ASIC2: variants seen among roughly 807,000 people sequenced by gnomAD.
ASIC2 encodes acid sensing ion channel subunit 2, also known as acid-sensing ion channel 2.
In ASIC2, 25 loss-of-function variants were observed where a neutral mutation model predicts 57.3. That is an observed-to-expected ratio of 0.44 (90% confidence interval 0.32 to 0.61). ASIC2 has a LOEUF of 0.61. ASIC2 is among the 20% of genes least tolerant of loss of function. The pLI is 0.06. For synonymous variants in ASIC2, 319 were observed against 307.5 expected (o/e 1.04, Z -0.39); for missense variants, 641 against 738.1 (o/e 0.87, Z 1.52).
chr17:33,702,452 G>C (rs544521592), intron 1 of ASIC2, among the ~76,000 whole-genome samples: 1 of 152,120 alleles, frequency 6.6e-6, no homozygotes, highest in African/African-American at 2.4e-5. Context: ...CTTGAAATCT[G>C]GGCAACCCAA....
intron 1 of ASIC2, among the ~76,000 whole-genome samples, chr17:33,485,199 A>G (rs867301687): frequency 1.3e-5 from 2 of 152,274 alleles, no homozygotes; most frequent in African/African-American, 4.8e-5. Flanking sequence ...CTAAGAGTTC[A>G]TCATCAGTTC....
intron 1 of ASIC2, among the ~76,000 whole-genome samples, chr17:33,217,239 T>C (rs948263342): frequency 6.6e-6 from 1 of 152,184 alleles, no homozygotes; most frequent in Non-Finnish European, 1.5e-5. Context: ...GGATGTGGGA[T>C]ATGAAGGGTG....
intron 1 of ASIC2, among the ~76,000 whole-genome samples, chr17:33,724,612 G>C (rs938199655): frequency 2.0e-5 from 3 of 152,186 alleles, no homozygotes; most frequent in Admixed American, 1.3e-4. Flanking sequence ...CCTAAGGGAG[G>C]GGCTTTGGCC....
intron 1 of ASIC2, among the ~76,000 whole-genome samples, chr17:33,171,071 T>C (rs114969615): frequency 0.039 from 5,902 of 152,250 alleles, 367 homozygotes; most frequent in African/African-American, 0.13. Flanking sequence ...TTCAAGAAGA[T>C]ATCAAACCCC....
intron 1 of ASIC2, among the ~76,000 whole-genome samples, chr17:33,561,484 A>C (rs1174232929): frequency 1.3e-5 from 2 of 152,224 alleles, no homozygotes; most frequent in African/African-American, 4.8e-5. Flanking sequence ...AAGGGTCTTC[A>C]GGAAGGCAAA....
chr17:33,935,044 G>A (rs1916030346), intron 1 of ASIC2, among the ~76,000 whole-genome samples: 1 of 152,216 alleles, frequency 6.6e-6, no homozygotes, highest in South Asian at 2.1e-4. Flanking sequence ...TGGGCAGCCT[G>A]TCCAGCACCA....
intron 1 of ASIC2, among the ~76,000 whole-genome samples, chr17:33,761,906 C>T (rs1288149871): frequency 6.7e-6 from 1 of 150,156 alleles, no homozygotes; most frequent in East Asian, 2.0e-4. Flanking sequence ...CAAATCAGTT[C>T]AACCACTACT....
At chr17:33,893,185 G>C (rs1161613178) in intron 1 of ASIC2, among the ~76,000 whole-genome samples, 1 of 152,182 alleles carries the variant, frequency 6.6e-6, no homozygotes, top group African/African-American at 2.4e-5. Context: ...CTGGTGCAGA[G>C]GAAGGGGCAT....
intron 1 of ASIC2, among the ~76,000 whole-genome samples, chr17:33,619,964 ATGTTTGGAAATAT>A (rs1242896869): frequency 6.6e-6 from 1 of 152,182 alleles, no homozygotes; most frequent in African/African-American, 2.4e-5. Flanking sequence ...GGAAAAATGG[ATGTTTGGAAATAT>A]TGCGATTGTT....
intron 3 of ASIC2, among the ~76,000 whole-genome samples, chr17:33,048,481 G>A (rs1483240499): frequency 6.6e-6 from 1 of 152,168 alleles, no homozygotes; most frequent in Non-Finnish European, 1.5e-5. Context: ...CCTACAGCTA[G>A]GAAGAATTTT....
chr17:33,555,297 C>T (rs1423481952), intron 1 of ASIC2, among the ~76,000 whole-genome samples: 3 of 152,058 alleles, frequency 2.0e-5, no homozygotes, highest in African/African-American at 2.4e-5. Context: ...CCAGTGTAGA[C>T]GGAGTAGTCC....
chr17:33,987,349 G>A (rs1323593265), intron 1 of ASIC2, among the ~76,000 whole-genome samples: 11 of 152,122 alleles, frequency 7.2e-5, no homozygotes, highest in African/African-American at 2.7e-4. Context: ...CTGTCTCCCA[G>A]CACTCTGATA....
rs542606041 is a variant in ASIC2, at chr17:33,047,306, C to T, written c.988-18914G>A. ...TTGGCATACTGGGGCACATGTCTCA[C>T]ATGGGGCGGAGCTACTTTACAGATC... On this transcript the variant is annotated intron_variant, in intron 3 of 9. Transcript: ENST00000225823. Among the ~76,000 whole-genome samples the T allele has an allele frequency of 9.9e-5, 15 of 152,228 alleles. No homozygotes were observed. In the South Asian group the frequency reaches 1.5e-3, roughly 15 times the overall value.
At position 34,013,154 on chromosome 17, in the gene ASIC2, C is replaced by T. The variant is rs930649705; in HGVS notation, c.555+142824G>A. 4.6e-5 allele frequency among the ~76,000 whole-genome samples: 7 copies of T among 152,146 alleles called. No individual in the cohort carries two copies. In the East Asian group the frequency reaches 7.7e-4, roughly 17 times the overall value. On this transcript the variant is annotated intron_variant, in intron 1 of 9. Transcript: ENST00000359872. ...TCCAGGCAAAGAAAGGAAGGATAGA[C>T]GGGGGCCAACTGGCAGTGGAATCCT...
At chr17:33,169,451 C>T (rs1905425727) in intron 1 of ASIC2, among the ~76,000 whole-genome samples, 1 of 152,178 alleles carries the variant, frequency 6.6e-6, no homozygotes, top group African/African-American at 2.4e-5. Context: ...ACTGGTAAAC[C>T]ACTCGGCTCA....
At chr17:34,120,678 G>A (rs1315079007) in intron 1 of ASIC2, among the ~76,000 whole-genome samples, 1 of 146,120 alleles carries the variant, frequency 6.8e-6, no homozygotes, top group East Asian at 2.0e-4. Flanking sequence ...GGTTATACTA[G>A]ATGGAGTAAG....
At chr17:33,015,903 A>G in intron 9 of ASIC2, 68 bp downstream of exon 9, 6 of 1,550,776 alleles carry the variant, frequency 3.9e-6, no homozygotes, top group East Asian at 2.2e-5. Context: ...CGGCCCCAGC[A>G]TCTGGTTTTG....
At chr17:33,680,066 T>A (rs1907952594) in intron 1 of ASIC2, among the ~76,000 whole-genome samples, 1 of 151,994 alleles carries the variant, frequency 6.6e-6, no homozygotes, top group African/African-American at 2.4e-5. Context: ...CCTTTGACGG[T>A]CAGAAATGGA....
intron 2 of ASIC2, among the ~76,000 whole-genome samples, chr17:33,102,384 T>C (rs2092215268): frequency 6.6e-6 from 1 of 152,208 alleles, no homozygotes; most frequent in South Asian, 2.1e-4. Flanking sequence ...TATTTTTCTC[T>C]CCAGAAACTT....
Sources: gnomAD v4.1 joint callset for allele counts (sites outside exome capture counted in the v4.1 genomes callset) on GRCh38, gnomAD v4.1.1 for gene constraint, MANE v1.5 for transcripts, NCBI Gene and HGNC (gene_info 2026-07-23, HGNC 2026-07-21) for gene names.